The following AFF3 variants were observed in gnomAD, a reference collection of about 807,000 sequenced individuals.
The protein encoded by AFF3 is AF4/FMR2 family member 3.
Under a neutral mutation model 129.7 loss-of-function variants are expected in AFF3, and 32 were observed. The ratio of observed to expected loss-of-function variants is 0.25; its 90% CI spans 0.19 to 0.33. The LOEUF is 0.33. Ranked by LOEUF, AFF3 falls within the 10% of genes least tolerant of loss-of-function variation. The pLI is 1.00. For missense variants in AFF3, 1,373 were observed against 1,592.0 expected, an observed-to-expected ratio of 0.86 and a Z score of 2.34; for synonymous variants, 644 against 635.4, an observed-to-expected ratio of 1.01 and a Z score of -0.20.
At chr2:99,724,204 G>A (rs79978580) in intron 11 of AFF3, among the ~76,000 whole-genome samples, 3,506 of 148,900 alleles carry the variant, frequency 0.024, 53 homozygotes, top group Non-Finnish European at 0.03. Context: ...ACCCCCTCTT[G>A]GTATGGAAAA....
intron 4 of AFF3, among the ~76,000 whole-genome samples, chr2:100,035,497 A>G (rs1473545920): frequency 6.6e-6 from 1 of 152,210 alleles, no homozygotes; most frequent in Non-Finnish European, 1.5e-5. Context: ...GAAGCAACCT[A>G]CTAACTTTTT....
intron 7 of AFF3, among the ~76,000 whole-genome samples, chr2:99,868,018 T>TTC (rs1491271007): frequency 0.028 from 2,425 of 86,542 alleles, 58 homozygotes; most frequent in African/African-American, 0.18. Flanking sequence ...CTTTCTTTCC[T>TTC]TTTTTTTTTT....
At chr2:99,647,313 T>C (rs1042606749) in intron 13 of AFF3, among the ~76,000 whole-genome samples, 16 of 152,180 alleles carry the variant, frequency 1.1e-4, no homozygotes, top group African/African-American at 2.2e-4. Context: ...TGAAATACTA[T>C]ACAGCCATAA....
At chr2:99,805,581 G>T (rs1686273018) in intron 8 of AFF3, among the ~76,000 whole-genome samples, 2 of 152,028 alleles carry the variant, frequency 1.3e-5, no homozygotes, top group South Asian at 4.1e-4. Flanking sequence ...TAAACCAGAA[G>T]TCAATTATTG....
chr2:99,991,054 C>T (rs147186066), intron 7 of AFF3, among the ~76,000 whole-genome samples: 38 of 152,214 alleles, frequency 2.5e-4, no homozygotes, highest in Admixed American at 1.4e-3. Context: ...TATCTTTACC[C>T]GTGGAACCAT....
chr2:99,737,210 C>T (rs1180789915), intron 10 of AFF3, among the ~76,000 whole-genome samples: 1 of 152,066 alleles, frequency 6.6e-6, no homozygotes, highest in Admixed American at 6.5e-5. Flanking sequence ...TTATTTTATG[C>T]TATTGTTTTG....
chr2:99,928,049 T>C (rs1009586226), intron 7 of AFF3, among the ~76,000 whole-genome samples: 5 of 152,210 alleles, frequency 3.3e-5, no homozygotes, highest in Non-Finnish European at 7.3e-5. Context: ...CCACATAAGA[T>C]GTGACTTGCT....
chr2:99,896,201 C>A (rs1198133853), intron 7 of AFF3, among the ~76,000 whole-genome samples: 1 of 151,616 alleles, frequency 6.6e-6, no homozygotes, highest in Non-Finnish European at 1.5e-5. Context: ...ACTAGGGAGG[C>A]CTAAGTTGGT....
intron 7 of AFF3, among the ~76,000 whole-genome samples, chr2:99,894,930 C>T (rs1250550125): frequency 6.6e-6 from 1 of 152,158 alleles, no homozygotes; most frequent in Non-Finnish European, 1.5e-5. Context: ...GCTTTGTGTG[C>T]CATTATTTAA....
intron 4 of AFF3, among the ~76,000 whole-genome samples, chr2:100,045,021 T>C (rs1298630687): frequency 1.3e-5 from 2 of 152,118 alleles, no homozygotes; most frequent in African/African-American, 4.8e-5. Context: ...CCACAGCATC[T>C]TTTTTAATCT....
At chr2:99,756,466 C>T (rs947906683) in intron 8 of AFF3, among the ~76,000 whole-genome samples, 1 of 152,242 alleles carries the variant, frequency 6.6e-6, no homozygotes, top group African/African-American at 2.4e-5. Context: ...TGTGGGTGTT[C>T]ATGCCTGACC....
At chr2:99,885,172 G>A (rs1226786003) in intron 7 of AFF3, among the ~76,000 whole-genome samples, 1 of 152,104 alleles carries the variant, frequency 6.6e-6, no homozygotes, top group East Asian at 1.9e-4. Context: ...AATTTCTTCT[G>A]AACAGTCTAC....
intron 10 of AFF3, among the ~76,000 whole-genome samples, chr2:99,743,715 G>A (rs1680909638): frequency 6.6e-6 from 1 of 152,064 alleles, no homozygotes; most frequent in Non-Finnish European, 1.5e-5. Flanking sequence ...TGGATTCTAA[G>A]GTCAATTATC....
At chr2:99,897,524 C>T (rs1694061967) in intron 7 of AFF3, among the ~76,000 whole-genome samples, 1 of 152,194 alleles carries the variant, frequency 6.6e-6, no homozygotes, top group Non-Finnish European at 1.5e-5. Flanking sequence ...TCTCTCTGCT[C>T]ATGTTGGTCA....
In AFF3 at chr2:99,546,323, C is replaced by T. The variant is rs115402130; in HGVS notation, c.*5151G>A. 0.021 allele frequency: 4,869 copies of T among 232,854 alleles called. 98 individuals are homozygous for T. Among genetic ancestry groups the T allele is most frequent in the Admixed American group, 0.085 (1,519 of 17,782 alleles). The allele number at this position is 232,854 out of a possible 1,614,324, so 14.4% of individuals were successfully genotyped here. On this transcript the variant is annotated 3_prime_UTR_variant, in exon 25 of 25. Coordinates refer to ENST00000672756, the MANE Select transcript of AFF3 (RefSeq NM_001386135.1). ...GTGGTTGGTGAAGCAAAGCCAAGTT[C>T]CTGTCCCACCCATCTCTGGGATGAG...
intron 22 of AFF3, among the ~76,000 whole-genome samples, chr2:99,558,528 G>A (rs914750729): frequency 3.9e-5 from 6 of 152,304 alleles, no homozygotes; most frequent in African/African-American, 9.6e-5. Flanking sequence ...GCTGAGGCAG[G>A]AGAATTGCTT....
intron 7 of AFF3, among the ~76,000 whole-genome samples, chr2:99,895,322 T>C (rs1045313794): frequency 2.6e-5 from 4 of 152,254 alleles, no homozygotes; most frequent in African/African-American, 9.6e-5. Flanking sequence ...GAGATTTATG[T>C]AAAAATCATG....
At chr2:99,641,191 T>C (rs1684158729) in intron 13 of AFF3, among the ~76,000 whole-genome samples, 2 of 152,108 alleles carry the variant, frequency 1.3e-5, no homozygotes, top group South Asian at 2.1e-4. Context: ...TGTCAGAGAG[T>C]AGGGTAATAT....
chr2:99,848,257 T>TAAAAAC (rs1475965942), intron 7 of AFF3, among the ~76,000 whole-genome samples: 4 of 150,266 alleles, frequency 2.7e-5, no homozygotes, highest in Admixed American at 6.6e-5. Context: ...CTCAAAAAAA[T>TAAAAAC]AAAAATAAAA....
Sources: gnomAD v4.1 joint callset for allele counts (sites outside exome capture counted in the v4.1 genomes callset) on GRCh38, gnomAD v4.1.1 for gene constraint, MANE v1.5 for transcripts, NCBI Gene and HGNC (gene_info 2026-07-23, HGNC 2026-07-21) for gene names.